ZNF624: variants seen among roughly 807,000 people sequenced by gnomAD.
ZNF624 encodes the protein zinc finger protein 624.
ZNF624 carries 43 observed loss-of-function variants against 74.7 expected under a neutral mutation model. That is an observed-to-expected ratio of 0.58 (90% confidence interval 0.45 to 0.74). The LOEUF is 0.74. Among genes scored for constraint, ZNF624 ranks in the 30% least tolerant of loss-of-function variants. The pLI, the probability that ZNF624 is intolerant of heterozygous loss-of-function variation, is 0.00. For missense variants in ZNF624, 820 were observed against 1,030.0 expected, an observed-to-expected ratio of 0.80 and a Z score of 2.79; for synonymous variants, 331 against 341.3, an observed-to-expected ratio of 0.97 and a Z score of 0.33.
downstream of ZNF624, chr17:16,617,875 G>C: frequency 3.1e-6 from 5 of 1,599,040 alleles, no homozygotes; most frequent in Non-Finnish European, 4.3e-6. Flanking sequence ...ATGTAGACGC[G>C]CGGCATGTCC....
chr17:16,635,990 C>T (rs1201759664), intron 3 of ZNF624, among the ~76,000 whole-genome samples: 1 of 152,096 alleles, frequency 6.6e-6, no homozygotes, highest in Non-Finnish European at 1.5e-5. Flanking sequence ...ATATTACTTC[C>T]CCCTAAAAGG....
chr17:16,634,496 A>G (rs1209979612), intron 4 of ZNF624, 134 bp downstream of exon 4: 1 of 871,082 alleles, frequency 1.1e-6, no homozygotes, highest in Non-Finnish European at 1.7e-6. Flanking sequence ...TGTAGTTAAG[A>G]GTGAGGAATA....
intron 5 of ZNF624, 101 bp from the exon 6 acceptor site, chr17:16,624,610 A>G (rs1374560375): frequency 9.3e-7 from 1 of 1,073,592 alleles, no homozygotes; most frequent in African/African-American, 1.6e-5. Flanking sequence ...TAATGAATAT[A>G]TGGTTTTAAT....
In ZNF624 at chr17:16,635,384, G is replaced by T. The variant is rs566071483; in HGVS notation, c.154-628C>A. On this transcript the variant is annotated intron_variant, in intron 3 of 5. Transcript: ENST00000311331. ...TGTTACCTATCGGAGAAAAGAGGGA[G>T]TAGAGCGGACTGGAATGACAGCTAG... Among the ~76,000 whole-genome samples the T allele has an allele frequency of 3.9e-5, 6 of 152,266 alleles. No homozygotes were observed. The South Asian group carries it at 1.2e-3, about 32-fold the overall frequency.
At chr17:16,638,856 C>A (rs889609510) in intron 3 of ZNF624, among the ~76,000 whole-genome samples, 1 of 151,882 alleles carries the variant, frequency 6.6e-6, no homozygotes, top group Non-Finnish European at 1.5e-5. Flanking sequence ...TAAAGTATAA[C>A]AATAATAAAA....
In ZNF624 at chr17:16,623,772, A is replaced by C; in HGVS notation, c.1114T>G (p.Cys372Gly). 1 of 1,614,018 alleles carries C rather than the reference A, an allele frequency of 6.2e-7. No homozygotes were observed. The highest frequency in any genetic ancestry group is 8.5e-7 in the Non-Finnish European group (1 of 1,179,994). Reference sequence around the variant, plus strand: ...CTCTGGTGCTGATTAAGACGGGCACACTGGCTAAAAGATTTCCCACACACA... The same window carrying C: ...CTCTGGTGCTGATTAAGACGGGCACCCTGGCTAAAAGATTTCCCACACACA... ...CNVCGKSFSQCARLNQHQRIQ... is the reference protein window; with the variant it reads ...CNVCGKSFSQGARLNQHQRIQ... Residue 372 changes from cysteine to glycine, a missense_variant, in exon 6 of 6, where the codon TGT becomes GGT. By Grantham distance (159) the Cys-to-Gly change is radical. Coordinates refer to ENST00000311331, the MANE Select transcript of ZNF624 (RefSeq NM_020787.4). The surrounding 1 kb of genome is among the most constrained non-coding windows in gnomAD (Gnocchi z 5.3).
chr17:16,648,899 A>C (rs1597499964), intron 2 of ZNF624, among the ~76,000 whole-genome samples: 1 of 152,176 alleles, frequency 6.6e-6, no homozygotes, highest in Admixed American at 6.5e-5. Flanking sequence ...CCTTGCCCTT[A>C]AACCCGTTTC....
At chr17:16,635,525 T>C (rs983206501) in intron 3 of ZNF624, among the ~76,000 whole-genome samples, 3 of 151,830 alleles carry the variant, frequency 2.0e-5, no homozygotes, top group African/African-American at 7.3e-5. Context: ...TGAAACCAGC[T>C]GGTAGCATAC....
At chr17:16,644,790 A>G (rs1909548337) in intron 3 of ZNF624, among the ~76,000 whole-genome samples, 1 of 152,218 alleles carries the variant, frequency 6.6e-6, no homozygotes, top group African/African-American at 2.4e-5. Context: ...GCAGCTGTAA[A>G]ATGTCATAAT....
At chr17:16,631,482 TTGGGAGGACGAGG>T (rs1232497174) in intron 5 of ZNF624, 3 of 152,112 alleles carry the variant, frequency 2.0e-5, no homozygotes, top group African/African-American at 4.8e-5. Flanking sequence ...TCCCAGCAAT[TTGGGAGGACGAGG>T]TGGGAGGATA....
the ZNF624 span, among the ~76,000 whole-genome samples, chr17:16,615,680 C>T: frequency 2.0e-5 from 3 of 152,006 alleles, no homozygotes; most frequent in Non-Finnish European, 4.4e-5. Context: ...CTAAAATTTA[C>T]ACCTCAAGTC....
At chr17:16,628,254 CTCTG>C (rs1414384383) in intron 5 of ZNF624, among the ~76,000 whole-genome samples, 1 of 152,104 alleles carries the variant, frequency 6.6e-6, no homozygotes, top group African/African-American at 2.4e-5. Flanking sequence ...AAGAGCGAGA[CTCTG>C]TCTGCCTCCC....
At chr17:16,650,049 A>G (rs1468705974) in intron 1 of ZNF624, among the ~76,000 whole-genome samples, 1 of 152,170 alleles carries the variant, frequency 6.6e-6, no homozygotes, top group Non-Finnish European at 1.5e-5. Flanking sequence ...AACTGAACCT[A>G]AAAAAATTAA....
chr17:16,638,974 T>A (rs1909404048), intron 3 of ZNF624, among the ~76,000 whole-genome samples: 1 of 152,214 alleles, frequency 6.6e-6, no homozygotes, highest in African/African-American at 2.4e-5. Flanking sequence ...GCTTATAATG[T>A]ACTGAATGAA....
rs1049662118 is a variant in ZNF624, at chr17:16,623,991, T to C, written c.895A>G (p.Thr299Ala). The change falls in exon 6 of 6, where the codon ACT (threonine) becomes GCT (alanine). Residue 299 changes from threonine (T) to alanine (A), a missense_variant. Transcript: ENST00000311331. The surrounding 1 kb of genome is among the most constrained non-coding windows in gnomAD (Gnocchi z 5.3). ...TTACATTCATAAGGTTTTTCTTTAG[T>C]ATGAGTTCTTTGATGTTGAATGAGC... Reference protein sequence around the residue: ...SLLIQHQRTHTKEKPYECNEC... With the variant: ...SLLIQHQRTHAKEKPYECNEC... The C allele has an allele frequency of 2.5e-6, 4 of 1,613,822 alleles. No homozygotes were observed. The highest frequency in any genetic ancestry group is 2.5e-6 in the Non-Finnish European group (3 of 1,180,020).
At chr17:16,638,230 A>T (rs1449064656) in intron 3 of ZNF624, among the ~76,000 whole-genome samples, 1 of 152,172 alleles carries the variant, frequency 6.6e-6, no homozygotes, top group Non-Finnish European at 1.5e-5. Context: ...GCTGGAGAGG[A>T]TGTGGAGAAA....
intron 3 of ZNF624, among the ~76,000 whole-genome samples, chr17:16,643,434 A>T (rs1172796362): frequency 2.6e-5 from 4 of 152,220 alleles, no homozygotes; most frequent in African/African-American, 9.7e-5. Context: ...CAAGGACAAC[A>T]TATTATATCA....
downstream of ZNF624, chr17:16,617,251 CT>C (rs1908809511): frequency 6.2e-7 from 1 of 1,612,984 alleles, no homozygotes; most frequent in African/African-American, 1.3e-5. Flanking sequence ...ACTGCGGCTG[CT>C]CCTGCGACTC....
At chr17:16,629,628 G>A (rs1189759762) in intron 5 of ZNF624, among the ~76,000 whole-genome samples, 1 of 152,052 alleles carries the variant, frequency 6.6e-6, no homozygotes, top group Non-Finnish European at 1.5e-5. Flanking sequence ...AGTGCAGTGG[G>A]CAATCTCAGC....
Sources: gnomAD v4.1 joint callset for allele counts (sites outside exome capture counted in the v4.1 genomes callset) on GRCh38, gnomAD v4.1.1 for gene constraint, Gnocchi (gnomAD v3.1) non-coding constraint, MANE v1.5 for transcripts, NCBI Gene and HGNC (gene_info 2026-07-23, HGNC 2026-07-21) for gene names.